Variants in ATF6 observed in about 807,000 individuals in gnomAD.
ATF6 encodes the protein cyclic AMP-dependent transcription factor ATF-6 alpha.
Under a neutral mutation model 83.6 loss-of-function variants are expected in ATF6, and 53 were observed. The observed-to-expected ratio is 0.63, with a 90% CI of 0.51 to 0.80. The LOEUF is 0.80. Ranked by LOEUF, ATF6 falls within the 30% of genes least tolerant of loss-of-function variation. The probability of loss-of-function intolerance (pLI) is 0.00; values close to 1 mark genes in which losing one functional copy is unlikely to be tolerated. For synonymous variants in ATF6, 288 were observed against 285.8 expected (o/e 1.01, Z -0.08); for missense variants, 744 against 797.9 (o/e 0.93, Z 0.81).
intron 7 of ATF6, among the ~76,000 whole-genome samples, chr1:161,815,592 C>A (rs1288796331): frequency 1.3e-5 from 2 of 151,832 alleles, no homozygotes; most frequent in Non-Finnish European, 2.9e-5. Context: ...TAAAAAGAGA[C>A]TATAATAACT....
chr1:161,773,517 C>T (rs1204509748), intron 1 of ATF6, among the ~76,000 whole-genome samples: 2 of 152,122 alleles, frequency 1.3e-5, no homozygotes, highest in African/African-American at 2.4e-5. Flanking sequence ...CCACCCGCCT[C>T]GGCCTTCCAA....
At chr1:161,931,063 G>A (rs531634901) in intron 15 of ATF6, among the ~76,000 whole-genome samples, 4 of 152,010 alleles carry the variant, frequency 2.6e-5, no homozygotes, top group Non-Finnish European at 5.9e-5. Flanking sequence ...TAGTAGAGAC[G>A]GGAGTTTCAC....
intron 14 of ATF6, among the ~76,000 whole-genome samples, chr1:161,887,316 C>A (rs1687446484): frequency 6.6e-6 from 1 of 151,886 alleles, no homozygotes; most frequent in South Asian, 2.1e-4. Context: ...CTGACCTCAA[C>A]TGATCCGCCT....
chr1:161,891,947 G>T (rs1413667461), intron 14 of ATF6: 2 of 152,154 alleles, frequency 1.3e-5, no homozygotes, highest in Non-Finnish European at 2.9e-5. Context: ...TTGGCCCAAG[G>T]TTTCTTTATT....
rs768558075 is a variant in ATF6, at chr1:161,783,999, T to C, written c.257T>C (p.Ile86Thr). ...INNQICTVKD[I>T]KAEPQPLSPA... ...CCTCCATGTTTTCCAGTTAAAGATATTAAGGCAGAACCTCAGCCACTTTCT... is the reference window on the plus strand; with the variant it reads ...CCTCCATGTTTTCCAGTTAAAGATACTAAGGCAGAACCTCAGCCACTTTCT... Residue 86 changes from isoleucine to threonine, a missense_variant, in exon 4 of 16, where the codon ATT becomes ACT. Physicochemically the swap from Ile to Thr is moderately conservative, Grantham distance 89. Transcript: ENST00000367942. 12 of 1,610,456 alleles carry C rather than the reference T, an allele frequency of 7.5e-6. No individual in the cohort carries two copies. In the South Asian group the frequency reaches 1.1e-4, roughly 15 times the overall value.
At chr1:161,955,292 A>T (rs1233686255) in intron 15 of ATF6, among the ~76,000 whole-genome samples, 1 of 152,106 alleles carries the variant, frequency 6.6e-6, no homozygotes, top group African/African-American at 2.4e-5. Flanking sequence ...ACTCGATCTG[A>T]TAGTTTTTAT....
intron 14 of ATF6, among the ~76,000 whole-genome samples, chr1:161,865,552 G>C (rs779189830): frequency 2.6e-5 from 4 of 152,180 alleles, no homozygotes; most frequent in Non-Finnish European, 5.9e-5. Context: ...TTTGTAAAAA[G>C]TGATTTCTCA....
In ATF6 at chr1:161,863,231, T is replaced by C. The variant is rs373017191; in HGVS notation, c.1638T>C (p.Tyr546=). 33 of 1,612,058 alleles carry C rather than the reference T, an allele frequency of 2.0e-5. No homozygotes were observed. Among genetic ancestry groups the C allele is most frequent in the Non-Finnish European group, 2.7e-5 (32 of 1,178,390 alleles). The change falls in exon 14 of 16, where the codon TAT becomes TAC. Residue 546 remains tyrosine (Y), a synonymous_variant. Transcript: ENST00000367942. Reference sequence around the variant, plus strand: ...CAGGGAGTGAGCTACAAGTGTATTATGCTTCACCCAGAAGTTATCAAGACT... The same window carrying C: ...CAGGGAGTGAGCTACAAGTGTATTACGCTTCACCCAGAAGTTATCAAGACT... ...RNSGSELQVY[Y]ASPRSYQDFF...
At chr1:161,937,608 G>T (rs1688562883) in intron 15 of ATF6, among the ~76,000 whole-genome samples, 1 of 151,866 alleles carries the variant, frequency 6.6e-6, no homozygotes, top group Non-Finnish European at 1.5e-5. Context: ...GATGAAGCTG[G>T]AAACCATCAT....
rs189298601 is a variant in ATF6 at position 161,911,939 on chromosome 1, G to A, written c.1720-357G>A. On this transcript the variant is annotated intron_variant, in intron 14 of 15. Transcript: ENST00000367942. ...GGAAACTGAAACACAGAAAGGATAC[G>A]TAGTCTTGTCCAGATTATACAGCTA... Among the ~76,000 whole-genome samples, 395 of 152,246 alleles carry A rather than the reference G, an allele frequency of 2.6e-3. 4 individuals carry two copies. The highest frequency in any genetic ancestry group is 0.012 in the South Asian group (60 of 4,824).
At chr1:161,786,896 A>G (rs1309696525) in intron 4 of ATF6, among the ~76,000 whole-genome samples, 2 of 152,204 alleles carry the variant, frequency 1.3e-5, no homozygotes, top group African/African-American at 4.8e-5. Flanking sequence ...GCATGTGGTT[A>G]TCTTGTCTTT....
chr1:161,801,991 G>A (rs933245677), intron 6 of ATF6, 61 bp from the exon 7 acceptor site: 3 of 1,536,638 alleles, frequency 2.0e-6, no homozygotes, highest in African/African-American at 1.4e-5. Context: ...CTAATTATAA[G>A]CTGCTTCCCC....
rs569703695 is a variant in ATF6 at position 161,889,093 on chromosome 1, C to A, written c.1720-23203C>A. ...CATAGAAACCATCTTTGATTTTCAA[C>A]TCCTAATTGGGACTGAACATACTTG... On this transcript the variant is annotated intron_variant, in intron 14 of 15. Transcript: ENST00000367942. Among the ~76,000 whole-genome samples, 4 of 152,310 alleles carry A rather than the reference C, an allele frequency of 2.6e-5. No homozygotes were observed. The East Asian group carries it at 5.8e-4, about 22-fold the overall frequency.
chr1:161,852,714 G>A (rs1227798170), intron 11 of ATF6, among the ~76,000 whole-genome samples: 2 of 152,170 alleles, frequency 1.3e-5, no homozygotes, highest in African/African-American at 4.8e-5. Flanking sequence ...CCAGGCTCAA[G>A]TGATCCTCTT....
chr1:161,889,620 A>C (rs1409466680), intron 14 of ATF6, among the ~76,000 whole-genome samples: 1 of 152,228 alleles, frequency 6.6e-6, no homozygotes, highest in East Asian at 1.9e-4. Context: ...TGCCAGATAC[A>C]ATGGAAACAA....
At chr1:161,852,657 G>A (rs1472232735) in intron 11 of ATF6, among the ~76,000 whole-genome samples, 2 of 152,024 alleles carry the variant, frequency 1.3e-5, no homozygotes, top group East Asian at 3.9e-4. Context: ...CTGTTGCTCA[G>A]GCTGGTGTGC....
chr1:161,875,038 A>G (rs1358142698), intron 14 of ATF6, among the ~76,000 whole-genome samples: 2 of 151,754 alleles, frequency 1.3e-5, no homozygotes, highest in East Asian at 3.8e-4. Flanking sequence ...TTATGTTTTC[A>G]AAGAAACATT....
At chr1:161,818,558 G>T (rs10494357) in intron 7 of ATF6, among the ~76,000 whole-genome samples, 40,097 of 152,036 alleles carry the variant, frequency 0.26, 8,893 homozygotes, top group African/African-American at 0.61. Context: ...AATTCTAAGG[G>T]TATAAGATGT....
chr1:161,767,126 G>A (rs541875106), intron 1 of ATF6, among the ~76,000 whole-genome samples: 1 of 152,298 alleles, frequency 6.6e-6, no homozygotes, highest in South Asian at 2.1e-4. Flanking sequence ...TAAGTATTTA[G>A]AGGAGACTTT....
Sources: allele counts gnomAD v4.1 joint callset (sites outside exome capture counted in the v4.1 genomes callset), GRCh38; gene constraint gnomAD v4.1.1; transcripts MANE v1.5; gene names NCBI Gene and HGNC (gene_info 2026-07-23, HGNC 2026-07-21).